KDELR1: variants seen among roughly 807,000 people sequenced by gnomAD.
KDELR1 encodes the protein ER lumen protein-retaining receptor 1.
KDELR1 carries 16 observed loss-of-function variants against 25.5 expected under a neutral mutation model. That is an observed-to-expected ratio of 0.63 (90% CI 0.43 to 0.95). The LOEUF (loss-of-function observed/expected upper bound fraction) is 0.95. Ranked by LOEUF, KDELR1 falls within the 40% of genes least tolerant of loss-of-function variation. The probability of loss-of-function intolerance (pLI) is 0.00; values close to 1 mark genes in which losing one functional copy is unlikely to be tolerated. For missense variants in KDELR1, 159 were observed against 265.2 expected (o/e 0.60, Z 2.78); for synonymous variants, 121 against 115.0 (o/e 1.05, Z -0.33).
upstream of KDELR1, among the ~76,000 whole-genome samples, chr19:48,395,760 G>C (rs1384852930): frequency 3.3e-5 from 5 of 152,118 alleles, no homozygotes; most frequent in Non-Finnish European, 4.4e-5. Context: ...AGGATGTTGG[G>C]AAGGATAGGG....
upstream of KDELR1, among the ~76,000 whole-genome samples, chr19:48,394,091 G>A (rs558888091): frequency 8.5e-5 from 13 of 152,198 alleles, no homozygotes; most frequent in African/African-American, 2.2e-4. This position sits in a 1 kb window ranked among gnomAD's most constrained non-coding sequence, Gnocchi z 5.1. Context: ...CCGGCCAGGC[G>A]TCTGGGCGTC....
chr19:48,392,800 A>G (rs3760793), upstream of KDELR1, among the ~76,000 whole-genome samples: 12,383 of 152,100 alleles, frequency 0.081, 737 homozygotes, highest in East Asian at 0.22. Context: ...TTCCACCCTC[A>G]GAGGCCCCGG....
rs957602653 is a variant in KDELR1 at position 48,382,776 on chromosome 19, G to C, written c.*517C>G. The C allele has an allele frequency of 1.3e-5, 2 of 152,872 alleles. No homozygotes were observed. Among genetic ancestry groups the C allele is most frequent in the South Asian group, 2.1e-4 (1 of 4,850 alleles). The allele number at this position is 152,872 out of a possible 1,614,324, so 9.5% of individuals were successfully genotyped here. On this transcript the variant is annotated 3_prime_UTR_variant, in exon 5 of 5. Transcript: ENST00000330720. ...AAAAATTACTATGAAAAAAAATCAG[G>C]GGAGACCTTCCTGGGCCTCCCTTTC...
upstream of KDELR1, among the ~76,000 whole-genome samples, chr19:48,392,594 G>C (rs925642714): frequency 6.6e-6 from 1 of 152,160 alleles, no homozygotes; most frequent in African/African-American, 2.4e-5. Context: ...ACGACCCACA[G>C]ATTTAGGCCC....
upstream of KDELR1, among the ~76,000 whole-genome samples, chr19:48,393,887 G>A (rs1195557475): frequency 5.9e-5 from 9 of 152,144 alleles, no homozygotes; most frequent in South Asian, 4.2e-4. The surrounding 1 kb of genome is among the most constrained non-coding windows in gnomAD (Gnocchi z 5.6). Context: ...CTGTGTGTCC[G>A]GGTGTCTGGG....
intron 3 of KDELR1, among the ~76,000 whole-genome samples, chr19:48,386,743 C>T (rs1316417947): frequency 1.3e-5 from 2 of 152,100 alleles, no homozygotes; most frequent in Non-Finnish European, 2.9e-5. Flanking sequence ...TGAGCCACTG[C>T]GCCCAGCCTG....
upstream of KDELR1, among the ~76,000 whole-genome samples, chr19:48,396,351 G>T (rs1403737470): frequency 6.6e-6 from 1 of 151,916 alleles, no homozygotes; most frequent in African/African-American, 2.4e-5. Flanking sequence ...TGCAGCCCCC[G>T]TGAGAAGGGT....
Position 48,388,981 on chromosome 19 carries a change from G to A in KDELR1, c.351+572C>T, listed in dbSNP as rs191232947. On this transcript the variant is annotated intron_variant, in intron 3 of 4. Coordinates refer to ENST00000330720, the MANE Select transcript of KDELR1 (RefSeq NM_006801.3). ...TAGCAGATTTGGAATTCAAATTCAA[G>A]AAGGCTGGGCCAGGAATGGTGGCTC... Among the ~76,000 whole-genome samples the A allele has an allele frequency of 4.6e-5, 7 of 152,092 alleles. No individual in the cohort carries two copies. The East Asian group carries it at 1.4e-3, about 30-fold the overall frequency.
At chr19:48,392,493 CGCT>C (rs1218551940), upstream of KDELR1, among the ~76,000 whole-genome samples, 2 of 152,170 alleles carry the variant, frequency 1.3e-5, no homozygotes, top group Non-Finnish European at 2.9e-5. Context: ...CCTCCTAGGA[CGCT>C]GTTCCTTGGA....
chr19:48,389,731 G>A lies in KDELR1; in HGVS notation c.193-20C>T, dbSNP rs1389942038. Reference sequence around the variant, plus strand: ...GACCACCTGAGGAGGGGGATGATGAGAAGGGGCCTCAACTCACAGGCCTGT... The same window carrying A: ...GACCACCTGAGGAGGGGGATGATGAAAAGGGGCCTCAACTCACAGGCCTGT... On this transcript the variant is annotated intron_variant, in intron 2 of 4. Transcript: ENST00000330720. The A allele has an allele frequency of 6.2e-7, 1 of 1,613,246 alleles. No individual in the cohort carries two copies. The highest frequency in any genetic ancestry group is 8.5e-7 in the Non-Finnish European group (1 of 1,179,762).
chr19:48,388,883 GAAA>G (rs1569052756), intron 3 of KDELR1, among the ~76,000 whole-genome samples: 5 of 131,852 alleles, frequency 3.8e-5, no homozygotes, highest in African/African-American at 1.1e-4. Context: ...AAGGAAGGAA[GAAA>G]GAAAGGAAGG....
Position 48,384,132 on chromosome 19 carries a change from CT to C in KDELR1, c.604+97del. ...AAACCCGGCGAAGAAATGCTCCCTTCTTTGCATAATACAGGGGTAAGGAGAC... is the reference window on the plus strand; with the variant it reads ...AAACCCGGCGAAGAAATGCTCCCTTCTTGCATAATACAGGGGTAAGGAGAC... On this transcript the variant is annotated intron_variant, in intron 4 of 4. Coordinates refer to ENST00000330720, the MANE Select transcript of KDELR1 (RefSeq NM_006801.3). This position sits in a 1 kb window ranked among gnomAD's most constrained non-coding sequence, Gnocchi z 4.6. The C allele has an allele frequency of 6.8e-7, 1 of 1,461,080 alleles. No individual in the cohort carries two copies. Among genetic ancestry groups the C allele is most frequent in the South Asian group, 1.3e-5 (1 of 76,400 alleles). The allele number at this position is 1,461,080 out of a possible 1,614,324, so 90.5% of individuals were successfully genotyped here.
intron 2 of KDELR1, among the ~76,000 whole-genome samples, chr19:48,389,994 T>A (rs1422303675): frequency 8.2e-6 from 1 of 121,256 alleles, no homozygotes; most frequent in Non-Finnish European, 1.7e-5. Flanking sequence ...GACCCTGGAG[T>A]CCAGGCCCCC....
chr19:48,396,297 G>T (rs276712), upstream of KDELR1, among the ~76,000 whole-genome samples: 14 of 151,976 alleles, frequency 9.2e-5, no homozygotes, highest in Admixed American at 2.6e-4. Flanking sequence ...GCCCTGGAGT[G>T]GGGGAGGCTG....
upstream of KDELR1, among the ~76,000 whole-genome samples, chr19:48,394,195 C>CTG (rs1032192539): frequency 1.3e-5 from 2 of 148,906 alleles, no homozygotes; most frequent in East Asian, 1.9e-4. The surrounding 1 kb of genome is among the most constrained non-coding windows in gnomAD (Gnocchi z 5.1). Flanking sequence ...GTGTGTGTGT[C>CTG]TGTGTGTGTG....
chr19:48,387,134 C>T (rs1310507209), intron 3 of KDELR1, among the ~76,000 whole-genome samples: 1 of 151,376 alleles, frequency 6.6e-6, no homozygotes, highest in Non-Finnish European at 1.5e-5. Flanking sequence ...AGCCGCACTA[C>T]CTCCCTCAGC....
chr19:48,383,550 G>T (rs575958972), intron 4 of KDELR1, among the ~76,000 whole-genome samples: 1 of 152,208 alleles, frequency 6.6e-6, no homozygotes, highest in African/African-American at 2.4e-5. Flanking sequence ...CCACTCTGTA[G>T]CCCAGGCTGG....
rs35535927 is a variant in KDELR1 at position 48,390,577 on chromosome 19, G to C, written c.92-53C>G. Reference sequence around the variant, plus strand: ...AGAGAGAGAGACAGAGAGAGAGAGAGAGACAGACAGACAGACAGACAGACA... The same window carrying C: ...AGAGAGAGAGACAGAGAGAGAGAGACAGACAGACAGACAGACAGACAGACA... On this transcript the variant is annotated intron_variant, in intron 1 of 4. Transcript: ENST00000330720. The C allele has an allele frequency of 8.0e-4, 782 of 980,140 alleles. 3 individuals carry two copies. The highest frequency in any genetic ancestry group is 1.2e-3 in the South Asian group (82 of 66,002). The allele number at this position is 980,140 out of a possible 1,614,324, so 60.7% of individuals were successfully genotyped here. A position where few individuals can be genotyped will look rare whatever the true frequency, so the allele number is the denominator to read the frequency against.
At chr19:48,394,391 G>T (rs947320315), upstream of KDELR1, among the ~76,000 whole-genome samples, 6 of 140,814 alleles carry the variant, frequency 4.3e-5, no homozygotes, top group Admixed American at 4.4e-4. This position sits in a 1 kb window ranked among gnomAD's most constrained non-coding sequence, Gnocchi z 5.1. Context: ...CTCCTCACAC[G>T]CACACACCAG....
Sources: gnomAD v4.1 joint callset for allele counts (sites outside exome capture counted in the v4.1 genomes callset) on GRCh38, gnomAD v4.1.1 for gene constraint, Gnocchi (gnomAD v3.1) non-coding constraint, MANE v1.5 for transcripts, NCBI Gene and HGNC (gene_info 2026-07-23, HGNC 2026-07-21) for gene names.